The following MXI1 variants were observed in gnomAD, a reference collection of about 807,000 sequenced individuals.
The protein encoded by MXI1 is max-interacting protein 1.
MXI1 carries 18 observed loss-of-function variants against 36.9 expected under a neutral mutation model. That is an observed-to-expected ratio of 0.49 (90% CI 0.34 to 0.72). MXI1 has a LOEUF of 0.72. MXI1 is among the 30% of genes least tolerant of loss of function. The pLI is 0.01. For missense variants in MXI1, 304 were observed against 379.1 expected, an observed-to-expected ratio of 0.80 and a Z score of 1.64; for synonymous variants, 160 against 146.7, an observed-to-expected ratio of 1.09 and a Z score of -0.65.
At chr10:110,224,743 G>A (rs1285973666) in intron 1 of MXI1, among the ~76,000 whole-genome samples, 2 of 151,836 alleles carry the variant, frequency 1.3e-5, no homozygotes, top group Non-Finnish European at 1.5e-5. Context: ...CGCCTCCCGG[G>A]TTCAAGCGAT....
chr10:110,214,587 A>G (rs550519240), intron 1 of MXI1, among the ~76,000 whole-genome samples: 1 of 152,086 alleles, frequency 6.6e-6, no homozygotes, highest in Non-Finnish European at 1.5e-5. Flanking sequence ...TGCATCAGTC[A>G]TTGTGGCTTG....
chr10:110,258,854 A>G (rs1856406182), intron 3 of MXI1, among the ~76,000 whole-genome samples: 1 of 152,188 alleles, frequency 6.6e-6, no homozygotes, highest in African/African-American at 2.4e-5. Context: ...ATAGTTCATT[A>G]AGACTAAGCT....
intron 1 of MXI1, among the ~76,000 whole-genome samples, chr10:110,224,353 CAG>C (rs1854900393): frequency 6.6e-6 from 1 of 152,162 alleles, no homozygotes; most frequent in Non-Finnish European, 1.5e-5. Context: ...AACTGGGGGA[CAG>C]GGGAGGGATT....
chr10:110,226,349 C>G (rs938986078), intron 1 of MXI1: 19 of 1,359,120 alleles, frequency 1.4e-5, no homozygotes, highest in Non-Finnish European at 1.6e-5. Context: ...GCGGTGCGGC[C>G]GGTAAGGGAG....
rs535212692 is a variant in MXI1 at position 110,227,582 on chromosome 10, G to T, written c.275-607G>T. On this transcript the variant is annotated intron_variant, in intron 1 of 5. Coordinates refer to ENST00000332674, the MANE Select transcript of MXI1 (RefSeq NM_130439.3). ...GAGGAAGGAGGAACACGGATGCTGG[G>T]GGGGGTCAGGGGAAGGGACGAGGCC... is the stretch of plus-strand genomic sequence containing the variant. The T allele has an allele frequency of 7.7e-5, 75 of 979,706 alleles. 3 individuals carry two copies. The highest frequency in any genetic ancestry group is 4.2e-4 in the South Asian group (9 of 21,500). 60.7% of individuals were successfully genotyped at this position (979,706 alleles called of 1,614,324 possible). A position where few individuals can be genotyped will look rare whatever the true frequency, so the allele number is the denominator to read the frequency against.
At chr10:110,264,630 C>T (rs1442786730) in intron 3 of MXI1, among the ~76,000 whole-genome samples, 1 of 152,084 alleles carries the variant, frequency 6.6e-6, no homozygotes, top group Non-Finnish European at 1.5e-5. Context: ...TCCCAAAGTG[C>T]TGGGATGAGC....
intron 1 of MXI1, among the ~76,000 whole-genome samples, chr10:110,211,709 G>A (rs1157652598): frequency 3.9e-5 from 6 of 152,222 alleles, no homozygotes; most frequent in Admixed American, 2.6e-4. Flanking sequence ...CTTGGAGGAG[G>A]GGTTCAAATT....
At chr10:110,244,362 A>T (rs1367156726) in intron 2 of MXI1, among the ~76,000 whole-genome samples, 2 of 152,048 alleles carry the variant, frequency 1.3e-5, no homozygotes, top group Non-Finnish European at 2.9e-5. Context: ...ATCACTAAGC[A>T]GTAACGCAAG....
At chr10:110,264,689 A>C (rs1856630533) in intron 3 of MXI1, among the ~76,000 whole-genome samples, 1 of 152,156 alleles carries the variant, frequency 6.6e-6, no homozygotes, top group Admixed American at 6.6e-5. Context: ...TGAGATCATA[A>C]AATTTTAAAC....
intron 2 of MXI1, among the ~76,000 whole-genome samples, chr10:110,234,621 A>T (rs1855391938): frequency 2.0e-5 from 3 of 152,056 alleles, no homozygotes; most frequent in Admixed American, 2.0e-4. Flanking sequence ...TTCATGCCTG[A>T]CTCTTAAAAT....
intron 3 of MXI1, among the ~76,000 whole-genome samples, chr10:110,251,010 T>TAAAA (rs60315131): frequency 1.3e-4 from 7 of 54,974 alleles, no homozygotes; most frequent in African/African-American, 5.0e-4. Context: ...AAGTATTTGT[T>TAAAA]AAAAAAAAAA....
intron 3 of MXI1, among the ~76,000 whole-genome samples, chr10:110,265,909 T>C (rs999147782): frequency 1.8e-4 from 27 of 152,222 alleles, no homozygotes; most frequent in Non-Finnish European, 4.4e-5. Context: ...AAACACTACA[T>C]CTGAGTCTCT....
At chr10:110,237,503 G>T (rs1164071492) in intron 2 of MXI1, among the ~76,000 whole-genome samples, 1 of 152,084 alleles carries the variant, frequency 6.6e-6, no homozygotes. Context: ...GGATTTTTGA[G>T]TCTTAAACCT....
chr10:110,222,640 G>A (rs7072547), intron 1 of MXI1, among the ~76,000 whole-genome samples: 36,178 of 152,050 alleles, frequency 0.24, 5,304 homozygotes, highest in African/African-American at 0.42. Context: ...TATACTTTAG[G>A]GAGAGGACAG....
At chr10:110,267,118 C>T (rs1276209650) in intron 3 of MXI1, among the ~76,000 whole-genome samples, 1 of 152,116 alleles carries the variant, frequency 6.6e-6, no homozygotes, top group Non-Finnish European at 1.5e-5. Flanking sequence ...TAGATTTCTT[C>T]ATCAGAAATC....
At chr10:110,222,012 AGCT>A (rs1301225854) in intron 1 of MXI1, among the ~76,000 whole-genome samples, 1 of 152,124 alleles carries the variant, frequency 6.6e-6, no homozygotes, top group African/African-American at 2.4e-5. Context: ...CGCAGCTCTG[AGCT>A]GCCGCTGACT....
At chr10:110,262,392 T>C (rs958095967) in intron 3 of MXI1, among the ~76,000 whole-genome samples, 3 of 152,076 alleles carry the variant, frequency 2.0e-5, no homozygotes, top group Admixed American at 6.5e-5. Context: ...GTATCCCCCA[T>C]TGATACTGAG....
In MXI1 at chr10:110,285,261, CTTGAT is replaced by C; in HGVS notation, c.*279_*283del. 1 of 301,064 alleles carries C rather than the reference CTTGAT, an allele frequency of 3.3e-6. No individual in the cohort carries two copies. The highest frequency in any genetic ancestry group is 6.1e-6 in the Non-Finnish European group (1 of 164,264). The allele number at this position is 301,064 out of a possible 1,614,324, so 18.6% of individuals were successfully genotyped here. A position where few individuals can be genotyped will look rare whatever the true frequency, so the allele number is the denominator to read the frequency against. ...CAGCAGAAAACTTGTGTGAAATTTT[CTTGAT>C]TTGAGTTGATTGAGAAGAGGACATT... On this transcript the variant is annotated 3_prime_UTR_variant, in exon 6 of 6. Transcript: ENST00000332674.
chr10:110,243,522 A>G (rs1855749270), intron 2 of MXI1, among the ~76,000 whole-genome samples: 1 of 152,076 alleles, frequency 6.6e-6, no homozygotes, highest in South Asian at 2.1e-4. Flanking sequence ...TATCCATTGA[A>G]ATAATCAGAT....
Sources: gnomAD v4.1 joint callset for allele counts (sites outside exome capture counted in the v4.1 genomes callset) on GRCh38, gnomAD v4.1.1 for gene constraint, MANE v1.5 for transcripts, NCBI Gene and HGNC (gene_info 2026-07-23, HGNC 2026-07-21) for gene names.